MYT1L: variants seen among roughly 807,000 people sequenced by gnomAD.
The protein encoded by MYT1L is myelin transcription factor 1 like, also known as myelin transcription factor 1-like protein.
Under a neutral mutation model 126.7 loss-of-function variants are expected in MYT1L, and 12 were observed. The observed-to-expected ratio is 0.09, with a 90% CI of 0.06 to 0.15. The LOEUF (loss-of-function observed/expected upper bound fraction) is 0.15. Ranked by LOEUF, MYT1L falls within the 10% of genes least tolerant of loss-of-function variation. The pLI is 1.00. For synonymous variants in MYT1L, 541 were observed against 604.2 expected (o/e 0.90, Z 1.53); for missense variants, 979 against 1,585.2 (o/e 0.62, Z 6.49).
chr2:1,818,757 T>C (rs1461650317), intron 21 of MYT1L, among the ~76,000 whole-genome samples: 5 of 152,236 alleles, frequency 3.3e-5, no homozygotes, highest in Non-Finnish European at 7.3e-5. Flanking sequence ...GTATCAGATC[T>C]GCTTCCATCT....
intron 4 of MYT1L, among the ~76,000 whole-genome samples, chr2:2,039,078 A>G (rs761671626): frequency 1.3e-5 from 2 of 152,226 alleles, no homozygotes; most frequent in African/African-American, 2.4e-5. Flanking sequence ...CAGCACTGGC[A>G]CATGGAAGGC....
At chr2:2,268,464 A>C (rs1197730613) in intron 2 of MYT1L, among the ~76,000 whole-genome samples, 9 of 152,194 alleles carry the variant, frequency 5.9e-5, no homozygotes. Context: ...TTTAGACCAC[A>C]AATAGCCTAT....
intron 19 of MYT1L, chr2:1,843,025 C>T (rs1350721141): frequency 6.5e-6 from 1 of 153,140 alleles, no homozygotes; most frequent in Admixed American, 6.5e-5. Context: ...TAGCATCATC[C>T]GAGGCTCTCC....
chr2:2,107,168 G>A (rs1030524713), intron 3 of MYT1L, among the ~76,000 whole-genome samples: 4 of 152,270 alleles, frequency 2.6e-5, no homozygotes, highest in Admixed American at 6.5e-5. Context: ...AAATGATAAC[G>A]AACTTTGAGA....
At chr2:2,310,361 A>G (rs898828934) in intron 1 of MYT1L, among the ~76,000 whole-genome samples, 1 of 152,150 alleles carries the variant, frequency 6.6e-6, no homozygotes, top group South Asian at 2.1e-4. Flanking sequence ...CTTACACTTC[A>G]GTATACTCTA....
intron 8 of MYT1L, among the ~76,000 whole-genome samples, chr2:1,963,629 G>A (rs2059129265): frequency 6.6e-6 from 1 of 152,214 alleles, no homozygotes; most frequent in Non-Finnish European, 1.5e-5. Flanking sequence ...TGAGTAACTT[G>A]CTATAGCTTC....
At position 1,833,077 on chromosome 2, in the gene MYT1L, G is replaced by A. The variant is rs1415964942; in HGVS notation, c.3080+6072C>T. Among the ~76,000 whole-genome samples, 6 of 152,318 alleles carry A rather than the reference G, an allele frequency of 3.9e-5. No homozygotes were observed. In the East Asian group the frequency reaches 9.6e-4, roughly 24 times the overall value. On this transcript the variant is annotated intron_variant, in intron 21 of 24. Coordinates refer to ENST00000647738, the MANE Select transcript of MYT1L (RefSeq NM_001303052.2). ...AGGGGGAGGGTGAGCTGCAGGTTGA[G>A]CTCTCCTCGGGCACAGACCCCAAGG...
At chr2:2,092,308 G>GC (rs2076985004) in intron 3 of MYT1L, among the ~76,000 whole-genome samples, 1 of 151,828 alleles carries the variant, frequency 6.6e-6, no homozygotes. Flanking sequence ...AGTTTAGAAG[G>GC]GGGAGATAGA....
chr2:2,331,270 C>T lies in MYT1L; in HGVS notation c.-824G>A, dbSNP rs2096282473. 6.6e-6 allele frequency: 1 copy of T among 151,648 alleles called. No homozygotes were observed. The highest frequency in any genetic ancestry group is 1.5e-5 in the Non-Finnish European group (1 of 67,948). 9.4% of individuals were successfully genotyped at this position (151,648 alleles called of 1,614,324 possible). ...TCTCTCACTGTTTAGTGTGCAGTAG[C>T]TTAGGGAAAAAAAAAATGTCGCCCG... On this transcript the variant is annotated 5_prime_UTR_variant, in exon 1 of 25. Transcript: ENST00000647738.
intron 3 of MYT1L, among the ~76,000 whole-genome samples, chr2:2,170,275 A>G (rs1022240780): frequency 2.6e-5 from 4 of 152,238 alleles, no homozygotes; most frequent in African/African-American, 9.6e-5. Flanking sequence ...CCATGGGTTG[A>G]CAAACTCAAG....
At chr2:2,038,196 G>C (rs1444491133) in intron 4 of MYT1L, among the ~76,000 whole-genome samples, 1 of 152,190 alleles carries the variant, frequency 6.6e-6, no homozygotes, top group African/African-American at 2.4e-5. Flanking sequence ...CACTGTTTAA[G>C]ATTGACTTTG....
At chr2:1,977,493 C>G (rs539944194) in intron 8 of MYT1L, among the ~76,000 whole-genome samples, 1 of 152,122 alleles carries the variant, frequency 6.6e-6, no homozygotes, top group Non-Finnish European at 1.5e-5. Flanking sequence ...CTCATTACAA[C>G]TTTTTATAAT....
intron 8 of MYT1L, among the ~76,000 whole-genome samples, chr2:1,961,731 G>C (rs781470923): frequency 2.0e-5 from 3 of 152,208 alleles, no homozygotes; most frequent in Non-Finnish European, 2.9e-5. Flanking sequence ...CTTGAGTACA[G>C]GCAGGCCTCG....
In MYT1L at chr2:1,910,707, G is replaced by C. The variant is rs2051842981; in HGVS notation, c.1710-360C>G. On this transcript the variant is annotated intron_variant, in intron 12 of 24. Coordinates refer to ENST00000647738, the MANE Select transcript of MYT1L (RefSeq NM_001303052.2). This position sits in a 1 kb window ranked among gnomAD's most constrained non-coding sequence, Gnocchi z 4.8. ...GAAGAATTAACAGCTTGGGTAGGATGAGTTTTGAAGCCCCAGAATGGCAAT... is the reference window on the plus strand; with the variant it reads ...GAAGAATTAACAGCTTGGGTAGGATCAGTTTTGAAGCCCCAGAATGGCAAT... Among the ~76,000 whole-genome samples, 1 of 152,168 alleles carries C rather than the reference G, an allele frequency of 6.6e-6. No individual in the cohort carries two copies.
intron 21 of MYT1L, among the ~76,000 whole-genome samples, chr2:1,809,546 A>G (rs2036261257): frequency 6.6e-6 from 1 of 152,190 alleles, no homozygotes; most frequent in Admixed American, 6.5e-5. Context: ...GAAAGCATCA[A>G]GCTCATAGAA....
In MYT1L at chr2:1,979,914, A is replaced by G; in HGVS notation, c.1-137T>C. 6.1e-6 allele frequency: 5 copies of G among 817,396 alleles called. No homozygotes were observed. Among genetic ancestry groups the G allele is most frequent in the Non-Finnish European group, 1.0e-5 (5 of 495,478 alleles). The allele number at this position is 817,396 out of a possible 1,614,324, so 50.6% of individuals were successfully genotyped here. A position where few individuals can be genotyped will look rare whatever the true frequency, so the allele number is the denominator to read the frequency against. On this transcript the variant is annotated intron_variant, in intron 5 of 24. Transcript: ENST00000647738. The surrounding 1 kb of genome is among the most constrained non-coding windows in gnomAD (Gnocchi z 4.0). ...CCTCCATGAAGGGAAGCCCTCTACAAGGGCAGGGGGTAAGACCAGGCAATC... is the reference window on the plus strand; with the variant it reads ...CCTCCATGAAGGGAAGCCCTCTACAGGGGCAGGGGGTAAGACCAGGCAATC...
chr2:2,088,056 T>C (rs2076532609), intron 3 of MYT1L, among the ~76,000 whole-genome samples: 1 of 152,194 alleles, frequency 6.6e-6, no homozygotes, highest in Non-Finnish European at 1.5e-5. Context: ...CAAGAGGTCA[T>C]GCAGCCAACA....
At chr2:2,055,884 C>A (rs2069471073) in intron 3 of MYT1L, among the ~76,000 whole-genome samples, 1 of 152,134 alleles carries the variant, frequency 6.6e-6, no homozygotes, top group Admixed American at 6.5e-5. Flanking sequence ...ATCGTGTTGT[C>A]CATCGTTGTT....
intron 18 of MYT1L, among the ~76,000 whole-genome samples, chr2:1,882,480 G>A (rs1573189320): frequency 6.6e-6 from 1 of 152,198 alleles, no homozygotes; most frequent in East Asian, 1.9e-4. Context: ...CAATGTGGAG[G>A]CTGAAATCAC....
Sources: gnomAD v4.1 joint callset for allele counts (sites outside exome capture counted in the v4.1 genomes callset) on GRCh38, gnomAD v4.1.1 for gene constraint, Gnocchi (gnomAD v3.1) non-coding constraint, MANE v1.5 for transcripts, NCBI Gene and HGNC (gene_info 2026-07-23, HGNC 2026-07-21) for gene names.